Variants in ZER1 observed in about 807,000 individuals in gnomAD.
ZER1 encodes the protein zyg-11 related cell cycle regulator.
ZER1 carries 11 observed loss-of-function variants against 78.8 expected under a neutral mutation model. That is an observed-to-expected ratio of 0.14 (90% CI 0.09 to 0.23). The LOEUF is 0.23. ZER1 is among the 10% of genes least tolerant of loss of function. ZER1 has a pLI of 1.00. For synonymous variants in ZER1, 400 were observed against 407.0 expected, an observed-to-expected ratio of 0.98 and a Z score of 0.21; for missense variants, 588 against 996.9, an observed-to-expected ratio of 0.59 and a Z score of 5.52.
Position 128,751,405 on chromosome 9 carries a change from CT to C in ZER1, c.1038+7del. ...CTGGCCCAGACCCATCCCACTTCCA[CT>C]GCTCACTTTGTAGGCTGGAATGTGC... is the stretch of plus-strand genomic sequence containing the variant. On this transcript the variant is annotated splice_region_variant and intron_variant, in intron 6 of 15. Coordinates refer to ENST00000291900, the MANE Select transcript of ZER1 (RefSeq NM_006336.4). The surrounding 1 kb of genome is among the most constrained non-coding windows in gnomAD (Gnocchi z 5.4). 1 of 1,614,160 alleles carries C rather than the reference CT, an allele frequency of 6.2e-7. No homozygotes were observed. Among genetic ancestry groups the C allele is most frequent in the Non-Finnish European group, 8.5e-7 (1 of 1,180,020 alleles).
chr9:128,739,282 C>T (rs928187868), intron 13 of ZER1, among the ~76,000 whole-genome samples: 3 of 151,700 alleles, frequency 2.0e-5, no homozygotes, highest in African/African-American at 7.3e-5. Flanking sequence ...GTGGGCGGAT[C>T]ACGAGGTCAG....
intron 14 of ZER1, among the ~76,000 whole-genome samples, chr9:128,734,476 C>T (rs1169194626): frequency 6.6e-6 from 1 of 151,380 alleles, no homozygotes; most frequent in African/African-American, 2.4e-5. Flanking sequence ...GGATTACAGG[C>T]ATGAGCCACT....
intron 13 of ZER1, among the ~76,000 whole-genome samples, 194 bp from the exon 14 acceptor site, chr9:128,735,625 G>C (rs570130738): frequency 6.6e-6 from 1 of 152,216 alleles, no homozygotes; most frequent in African/African-American, 2.4e-5. Flanking sequence ...AGAGGATAAA[G>C]GCACAAGCAC....
intron 8 of ZER1, among the ~76,000 whole-genome samples, chr9:128,750,087 T>C (rs1159776886): frequency 2.0e-5 from 3 of 152,128 alleles, no homozygotes; most frequent in Admixed American, 6.6e-5. Context: ...ATGTTCATAT[T>C]CATGTGACAA....
rs1459319865 is a variant in ZER1 at position 128,751,868 on chromosome 9, TG to T, written c.924-342del. 6.6e-6 allele frequency among the ~76,000 whole-genome samples: 1 copy of T among 152,172 alleles called. No individual in the cohort carries two copies. Among genetic ancestry groups the T allele is most frequent in the African/African-American group, 2.4e-5 (1 of 41,442 alleles). On this transcript the variant is annotated intron_variant, in intron 5 of 15. Transcript: ENST00000291900. This position sits in a 1 kb window ranked among gnomAD's most constrained non-coding sequence, Gnocchi z 5.4. The stretch of plus-strand genomic sequence containing the variant: ...GCAGGCTGGGGCCAGGGCTTATGGG[TG>T]GCCAGTTACAGCTGGTAGGGTTTGG...
chr9:128,750,828 G>A (rs1437734682), intron 7 of ZER1, 39 bp from the exon 8 acceptor site: 21 of 1,612,264 alleles, frequency 1.3e-5, no homozygotes, highest in Non-Finnish European at 1.8e-5. Flanking sequence ...GGCAAGTGCA[G>A]GGAGAGGCCT....
At chr9:128,745,967 G>GT in intron 8 of ZER1, 1 of 151,848 alleles carries the variant, frequency 6.6e-6, no homozygotes, top group Non-Finnish European at 1.5e-5. Flanking sequence ...AGCCTCCCTA[G>GT]TAGCTGGGAT....
chr9:128,743,159 C>T (rs919734894), intron 8 of ZER1, among the ~76,000 whole-genome samples: 9 of 151,858 alleles, frequency 5.9e-5, no homozygotes, highest in Middle Eastern at 3.4e-3. Context: ...GCTCTGTCGC[C>T]CAGGCTGGAG....
At chr9:128,747,233 T>C (rs1863524109) in intron 8 of ZER1, among the ~76,000 whole-genome samples, 1 of 151,646 alleles carries the variant, frequency 6.6e-6, no homozygotes. Flanking sequence ...ACACACATAC[T>C]GCCCCTGAAA....
intron 13 of ZER1, 49 bp downstream of exon 13, chr9:128,739,882 A>G (rs1377724036): frequency 1.9e-6 from 3 of 1,573,976 alleles, no homozygotes; most frequent in Non-Finnish European, 2.6e-6. Flanking sequence ...CCTGCCCAGC[A>G]CTTACCCCAT....
At chr9:128,733,643 G>C in intron 14 of ZER1, 115 bp from the exon 15 acceptor site, 1 of 899,970 alleles carries the variant, frequency 1.1e-6, no homozygotes, top group Non-Finnish European at 1.7e-6. Context: ...TGAAGGCACA[G>C]CCCTTGGTGG....
rs1391415017 is a variant in ZER1 at position 128,754,721 on chromosome 9, G to A, written c.158+687C>T. On this transcript the variant is annotated intron_variant, in intron 2 of 15. Coordinates refer to ENST00000291900, the MANE Select transcript of ZER1 (RefSeq NM_006336.4). This position sits in a 1 kb window ranked among gnomAD's most constrained non-coding sequence, Gnocchi z 4.3. ...TTTTTTTTGGTAGAGACAAGGTCTC[G>A]CTATGTCACCCAGGCTGATCTTGAA... is the stretch of plus-strand genomic sequence containing the variant. Among the ~76,000 whole-genome samples the A allele has an allele frequency of 2.0e-5, 3 of 150,556 alleles. No homozygotes were observed. The highest frequency in any genetic ancestry group is 7.4e-5 in the African/African-American group (3 of 40,810).
At position 128,771,878 on chromosome 9, in the gene ZER1, C is replaced by G. The variant is rs1475739830; in HGVS notation, c.-392G>C. 6.6e-6 allele frequency: 1 copy of G among 152,276 alleles called. No individual in the cohort carries two copies. The highest frequency in any genetic ancestry group is 1.5e-5 in the Non-Finnish European group (1 of 68,102). The allele number at this position is 152,276 out of a possible 1,614,324, so 9.4% of individuals were successfully genotyped here. ...GCCCGGCCCCTCCCCCGATCCGGCT[C>G]CTACGGCTCGGAGCCTGCAGCCGCC... On this transcript the variant is annotated 5_prime_UTR_variant, in exon 1 of 16. Coordinates refer to ENST00000291900, the MANE Select transcript of ZER1 (RefSeq NM_006336.4).
chr9:128,753,271 G>A lies in ZER1; in HGVS notation c.639C>T (p.Asp213=), dbSNP rs371722260. 1.9e-5 allele frequency: 30 copies of A among 1,605,124 alleles called. No homozygotes were observed. The highest frequency in any genetic ancestry group is 1.1e-4 in the East Asian group (5 of 44,576). Reference sequence around the variant, plus strand: ...CTTTCCACTGGGTGAGGAAGGCGGCGTCGCTCGTCTGAATGCCTGAGAGGT... The same window carrying A: ...CTTTCCACTGGGTGAGGAAGGCGGCATCGCTCGTCTGAATGCCTGAGAGGT... ...ALDLSGIQTS[D]AAFLTQWKDS... Residue 213 remains aspartate (D), a synonymous_variant, in exon 4 of 16, where the codon GAC becomes GAT. Transcript: ENST00000291900. This position sits in a 1 kb window ranked among gnomAD's most constrained non-coding sequence, Gnocchi z 7.5.
intron 15 of ZER1, among the ~76,000 whole-genome samples, 170 bp from the exon 16 acceptor site, chr9:128,731,564 CAG>C (rs1340563924): frequency 6.6e-6 from 1 of 152,136 alleles, no homozygotes; most frequent in Non-Finnish European, 1.5e-5. Flanking sequence ...GCAGGGGACT[CAG>C]GGAATGGCAC....
chr9:128,766,116 C>A (rs1416116356), intron 1 of ZER1, among the ~76,000 whole-genome samples: 2 of 152,134 alleles, frequency 1.3e-5, no homozygotes, highest in African/African-American at 2.4e-5. Context: ...TTTGGGAGGC[C>A]AAGGCGGGCG....
intron 8 of ZER1, among the ~76,000 whole-genome samples, chr9:128,748,583 T>C (rs2070583736): frequency 1.3e-5 from 2 of 151,670 alleles, no homozygotes; most frequent in Admixed American, 1.3e-4. Context: ...TGTTTTTGTT[T>C]TTCTTTGTGA....
chr9:128,733,780 C>A (rs1862923943), intron 14 of ZER1, among the ~76,000 whole-genome samples: 1 of 142,568 alleles, frequency 7.0e-6, no homozygotes, highest in Admixed American at 7.1e-5. Context: ...AGAGCTCATT[C>A]TTTTTTTTAA....
chr9:128,740,227 CT>C lies in ZER1; in HGVS notation c.1854-109del. On this transcript the variant is annotated intron_variant, in intron 12 of 15. Transcript: ENST00000291900. The surrounding 1 kb of genome is among the most constrained non-coding windows in gnomAD (Gnocchi z 4.4). The stretch of plus-strand genomic sequence containing the variant: ...CAGAAGCAAGAGGTGCTACTTATTT[CT>C]TTATCCCATATCGTCTATATACCCA... 9.0e-7 allele frequency: 1 copy of C among 1,115,196 alleles called. No homozygotes were observed. The highest frequency in any genetic ancestry group is 1.3e-6 in the Non-Finnish European group (1 of 786,250). 69.1% of individuals were successfully genotyped at this position (1,115,196 alleles called of 1,614,324 possible). A position where few individuals can be genotyped will look rare whatever the true frequency, so the allele number is the denominator to read the frequency against.
Sources: gnomAD v4.1 joint callset for allele counts (sites outside exome capture counted in the v4.1 genomes callset) on GRCh38, gnomAD v4.1.1 for gene constraint, Gnocchi (gnomAD v3.1) non-coding constraint, MANE v1.5 for transcripts, NCBI Gene and HGNC (gene_info 2026-07-23, HGNC 2026-07-21) for gene names.